BAD: variants seen among roughly 807,000 people sequenced by gnomAD.
BAD encodes the protein bcl2-associated agonist of cell death.
Under a neutral mutation model 17.8 loss-of-function variants are expected in BAD, and 18 were observed. The observed-to-expected ratio is 1.01, with a 90% CI of 0.70 to 1.50. The LOEUF is 1.50. Among genes scored for constraint, BAD ranks in the 40% most tolerant of loss-of-function variants. The pLI is 0.00. For missense variants in BAD, 294 were observed against 239.3 expected (o/e 1.23, Z -1.51); for synonymous variants, 112 against 91.5 (o/e 1.22, Z -1.28).
At position 64,270,226 on chromosome 11, in the gene BAD, A is replaced by G. The variant is rs1251967974; in HGVS notation, c.490T>C (p.Ser164Pro). Residue 164 changes from serine (S) to proline (P), a missense_variant, in exon 4 of 4, where the codon TCC becomes CCC. By Grantham distance (74) the Ser-to-Pro change is moderately conservative. Coordinates refer to ENST00000309032, the MANE Select transcript of BAD (RefSeq NM_032989.3). ...WWDRNLGRGS[S>P]APSQ ...AGCGAAGGTCACTGGGAGGGGGCGG[A>G]GCTTCCCCTGCCCAAGTTCCGATCC... The G allele has an allele frequency of 1.9e-6, 3 of 1,612,904 alleles. No homozygotes were observed. Among genetic ancestry groups the G allele is most frequent in the Admixed American group, 1.7e-5 (1 of 59,930 alleles).
intron 2 of BAD, among the ~76,000 whole-genome samples, chr11:64,274,923 T>C (rs1451154719): frequency 1.4e-5 from 2 of 142,032 alleles, no homozygotes; most frequent in East Asian, 4.0e-4. Flanking sequence ...AGGCGGAGGT[T>C]GCAGTGAGCT....
chr11:64,278,294 T>C (rs1384738536), intron 2 of BAD, among the ~76,000 whole-genome samples: 1 of 150,882 alleles, frequency 6.6e-6, no homozygotes, highest in Non-Finnish European at 1.5e-5. Context: ...ACCTGGGAGG[T>C]AGAGGTTGCT....
In BAD at chr11:64,271,750, C is replaced by T. The variant is rs762780261; in HGVS notation, c.241G>A (p.Glu81Lys). ...SRHSSYPAGT[E>K]DDEGMGEEPS... ...TCCTCCCCCATCCCTTCGTCGTCCTCCGTCCCCGCGGGGTAGGAGCTGTGG... is the reference window on the plus strand; with the variant it reads ...TCCTCCCCCATCCCTTCGTCGTCCTTCGTCCCCGCGGGGTAGGAGCTGTGG... Residue 81 changes from glutamate to lysine, a missense_variant, in exon 3 of 4, where the codon GAG (glutamate) becomes AAG (lysine). Glu to Lys is a moderately conservative substitution (Grantham distance 56). Transcript: ENST00000309032. 1.4e-6 allele frequency: 2 copies of T among 1,451,560 alleles called. No individual in the cohort carries two copies. Among genetic ancestry groups the T allele is most frequent in the Non-Finnish European group, 1.8e-6 (2 of 1,102,652 alleles). The allele number at this position is 1,451,560 out of a possible 1,614,324, so 89.9% of individuals were successfully genotyped here. A position where few individuals can be genotyped will look rare whatever the true frequency, so the allele number is the denominator to read the frequency against.
At position 64,269,965 on chromosome 11, in the gene BAD, A is replaced by G; in HGVS notation, c.*244T>C. On this transcript the variant is annotated 3_prime_UTR_variant, in exon 4 of 4. Transcript: ENST00000309032. ...CGCAGGCGCCTGGGGGAAAGCCCGG[A>G]GCCTGAGGGCGGGGCCACGGAGCCA... 2.6e-6 allele frequency: 2 copies of G among 756,440 alleles called. No individual in the cohort carries two copies. Among genetic ancestry groups the G allele is most frequent in the East Asian group, 2.7e-5 (1 of 37,422 alleles). The allele number at this position is 756,440 out of a possible 1,614,324, so 46.9% of individuals were successfully genotyped here.
In BAD at chr11:64,271,606, C is replaced by A; in HGVS notation, c.378+7G>T. On this transcript the variant is annotated splice_region_variant and intron_variant, in intron 3 of 3. Transcript: ENST00000309032. ...CAGGTCCTGGCACGCTGGGGACTGG[C>A]GCTCACCTTAAAGGAGTCCACAAAC... The A allele has an allele frequency of 7.0e-7, 1 of 1,435,678 alleles. No homozygotes were observed. The highest frequency in any genetic ancestry group is 1.4e-5 in the South Asian group (1 of 69,700). 88.9% of individuals were successfully genotyped at this position (1,435,678 alleles called of 1,614,324 possible).
At chr11:64,278,359 T>A (rs2033206052) in intron 2 of BAD, among the ~76,000 whole-genome samples, 1 of 149,266 alleles carries the variant, frequency 6.7e-6, no homozygotes, top group Non-Finnish European at 1.5e-5. Context: ...TGAGGCTCCA[T>A]CTTGGAAAAA....
intron 2 of BAD, among the ~76,000 whole-genome samples, chr11:64,272,385 G>A (rs1319380957): frequency 1.3e-5 from 2 of 151,992 alleles, no homozygotes; most frequent in Non-Finnish European, 2.9e-5. Context: ...GCAACCCCTG[G>A]GTTGGTAGCT....
chr11:64,273,721 A>G (rs2032816731), intron 2 of BAD, among the ~76,000 whole-genome samples: 1 of 152,044 alleles, frequency 6.6e-6, no homozygotes, highest in Admixed American at 6.6e-5. Flanking sequence ...CTCTACTAAA[A>G]ATACAAAAAA....
rs532679043 is a variant in BAD, at chr11:64,270,441, T to A, written c.379-104A>T. ...CCTCTAAGTGAGATCGGGGGGGAGA[T>A]AATGAAGGCCACAACTCCCAGGAGG... On this transcript the variant is annotated intron_variant, in intron 3 of 3. Coordinates refer to ENST00000309032, the MANE Select transcript of BAD (RefSeq NM_032989.3). The A allele has an allele frequency of 5.6e-6, 8 of 1,418,822 alleles. No homozygotes were observed. The East Asian group carries it at 1.8e-4, about 33-fold the overall frequency. 87.9% of individuals were successfully genotyped at this position (1,418,822 alleles called of 1,614,324 possible).
In BAD at chr11:64,270,080, GCCCT is replaced by G. The variant is rs1444357828; in HGVS notation, c.*125_*128del. 6.8e-7 allele frequency: 1 copy of G among 1,467,052 alleles called. No individual in the cohort carries two copies. The highest frequency in any genetic ancestry group is 1.4e-5 in the African/African-American group (1 of 71,422). The allele number at this position is 1,467,052 out of a possible 1,614,324, so 90.9% of individuals were successfully genotyped here. A position where few individuals can be genotyped will look rare whatever the true frequency, so the allele number is the denominator to read the frequency against. ...ACGCACCGGAAGGGAATCTGGGTCA[GCCCT>G]CCCTCCAAAGGAGACAGCACGGATC... On this transcript the variant is annotated 3_prime_UTR_variant, in exon 4 of 4. Transcript: ENST00000309032.
At chr11:64,270,384 C>T (rs1164157140) in intron 3 of BAD, 47 bp from the exon 4 acceptor site, 2 of 1,508,718 alleles carry the variant, frequency 1.3e-6, no homozygotes, top group Non-Finnish European at 1.8e-6. Context: ...ACCATGGCAG[C>T]TCGAGCCAGG....
rs1415404761 is a variant in BAD, at chr11:64,284,207, C to T, written c.162G>A (p.Gln54=). The T allele has an allele frequency of 1.9e-6, 3 of 1,601,958 alleles. No homozygotes were observed. The highest frequency in any genetic ancestry group is 2.6e-6 in the Non-Finnish European group (3 of 1,173,942). The change falls in exon 2 of 4, where the codon CAG becomes CAA. Residue 54 remains glutamine (Q), a synonymous_variant. Transcript: ENST00000309032. ...CTCCATGATGGCTGCTGCTGGTTGG[C>T]TGCTCCTGCTGGTGACTGGCGTCCC... ...LLWDASHQQE[Q]PTSSSHHGGA...
At chr11:64,280,375 G>A (rs540065124) in intron 2 of BAD, among the ~76,000 whole-genome samples, 27 of 138,948 alleles carry the variant, frequency 1.9e-4, no homozygotes, top group Admixed American at 1.4e-3. Context: ...TTTTTGAGAC[G>A]GAGTCTTGCT....
chr11:64,270,346 G>C lies in BAD; in HGVS notation c.379-9C>G, dbSNP rs752938791. 21 of 1,539,130 alleles carry C rather than the reference G, an allele frequency of 1.4e-5. No individual in the cohort carries two copies. In the South Asian group the frequency reaches 2.6e-4, roughly 19 times the overall value. On this transcript the variant is annotated splice_polypyrimidine_tract_variant and intron_variant, in intron 3 of 3. Coordinates refer to ENST00000309032, the MANE Select transcript of BAD (RefSeq NM_032989.3). ...GGGCGAGGAAGTCCCTTCTGGTGGA[G>C]GGAGAAAAGGGTTACATGAGTTAGA...
At chr11:64,271,445 C>T (rs893474793) in intron 3 of BAD, among the ~76,000 whole-genome samples, 168 bp downstream of exon 3, 1 of 151,856 alleles carries the variant, frequency 6.6e-6, no homozygotes, top group Non-Finnish European at 1.5e-5. Context: ...GCGGGGAAGT[C>T]TTGTGACTAC....
At chr11:64,270,432 G>C (rs530327781) in intron 3 of BAD, 95 bp from the exon 4 acceptor site, 37 of 1,444,082 alleles carry the variant, frequency 2.6e-5, no homozygotes, top group Middle Eastern at 3.6e-4. Flanking sequence ...AGTGAGATCG[G>C]GGGGGAGATA....
chr11:64,273,449 G>A (rs1266739107), intron 2 of BAD, among the ~76,000 whole-genome samples: 1 of 152,134 alleles, frequency 6.6e-6, no homozygotes, highest in African/African-American at 2.4e-5. Context: ...ATTATTCAGA[G>A]GCCCGCCTAC....
intron 1 of BAD, 42 bp downstream of exon 1, chr11:64,284,589 C>A: frequency 6.7e-7 from 1 of 1,496,206 alleles, no homozygotes; most frequent in South Asian, 1.3e-5. Flanking sequence ...CCCGGTGGAC[C>A]CAGGCCCCGC....
intron 2 of BAD, chr11:64,275,860 C>T (rs1007000881): frequency 2.6e-5 from 4 of 152,010 alleles, no homozygotes; most frequent in Non-Finnish European, 5.9e-5. Flanking sequence ...TGGTCGGAAG[C>T]CCTCCCTGTG....
Sources: gnomAD v4.1 joint callset for allele counts (sites outside exome capture counted in the v4.1 genomes callset) on GRCh38, gnomAD v4.1.1 for gene constraint, MANE v1.5 for transcripts, NCBI Gene and HGNC (gene_info 2026-07-23, HGNC 2026-07-21) for gene names.